Variants in MPRIP observed in about 807,000 individuals in gnomAD.
The protein encoded by MPRIP is myosin phosphatase Rho interacting protein, also known as myosin phosphatase Rho-interacting protein.
A neutral mutation model predicts 234.9 loss-of-function variants in MPRIP; 59 were observed. The observed-to-expected ratio is 0.25, with a 90% CI of 0.20 to 0.31. The LOEUF (loss-of-function observed/expected upper bound fraction) is 0.31. Among genes scored for constraint, MPRIP ranks in the 10% least tolerant of loss-of-function variants. MPRIP has a pLI of 1.00. For synonymous variants in MPRIP, 1,144 were observed against 1,263.9 expected (o/e 0.91, Z 2.01); for missense variants, 2,436 against 3,071.0 (o/e 0.79, Z 4.89).
chr17:17,057,782 C>T (rs2088750010), intron 1 of MPRIP: 1 of 705,588 alleles, frequency 1.4e-6, no homozygotes, highest in Non-Finnish European at 2.6e-6. Context: ...CCCGAGGTGG[C>T]CCCTGAAGCA....
intron 13 of MPRIP, among the ~76,000 whole-genome samples, chr17:17,155,792 C>G (rs563759204): frequency 6.6e-6 from 1 of 152,368 alleles, no homozygotes; most frequent in East Asian, 1.9e-4. Flanking sequence ...GACAAGTCCT[C>G]TTTGTGCACA....
chr17:17,053,644 C>T (rs774708494), intron 1 of MPRIP, among the ~76,000 whole-genome samples: 22 of 152,226 alleles, frequency 1.4e-4, no homozygotes, highest in Non-Finnish European at 2.8e-4. Context: ...CCCCATCCCT[C>T]TTAGGTTACT....
At chr17:17,109,214 C>T (rs914041107) in intron 3 of MPRIP, among the ~76,000 whole-genome samples, 6 of 152,164 alleles carry the variant, frequency 3.9e-5, no homozygotes, top group African/African-American at 7.2e-5. Flanking sequence ...TATGGGGCAC[C>T]GTTGCAGGTT....
rs1056325081 is a variant in MPRIP at position 17,185,778 on chromosome 17, A to G, written c.*884A>G. 12 of 343,838 alleles carry G rather than the reference A, an allele frequency of 3.5e-5. No homozygotes were observed. The highest frequency in any genetic ancestry group is 8.3e-5 in the Admixed American group (2 of 24,224). 21.3% of individuals were successfully genotyped at this position (343,838 alleles called of 1,614,324 possible). A position where few individuals can be genotyped will look rare whatever the true frequency, so the allele number is the denominator to read the frequency against. On this transcript the variant is annotated 3_prime_UTR_variant, in exon 24 of 24. Transcript: ENST00000651222. ...TTTTTTTTTACCTTTTGGAAAAGAAACCGTCACATTGCTTTGGAAAAGGTT... is the reference window on the plus strand; with the variant it reads ...TTTTTTTTTACCTTTTGGAAAAGAAGCCGTCACATTGCTTTGGAAAAGGTT...
chr17:17,158,395 G>A (rs769269205), intron 13 of MPRIP, 37 bp from the exon 14 acceptor site: 19 of 1,511,770 alleles, frequency 1.3e-5, no homozygotes, highest in East Asian at 6.8e-5. Context: ...CACCAGAGCC[G>A]CCCCTGACAG....
At chr17:17,056,283 C>T (rs1197599075) in intron 1 of MPRIP, among the ~76,000 whole-genome samples, 2 of 152,350 alleles carry the variant, frequency 1.3e-5, no homozygotes, top group East Asian at 1.9e-4. Context: ...CCTGCGAAGA[C>T]GTTGCCCCAG....
intron 1 of MPRIP, among the ~76,000 whole-genome samples, chr17:17,047,207 A>T (rs944497114): frequency 1.6e-4 from 24 of 152,170 alleles, no homozygotes; most frequent in Non-Finnish European, 2.8e-4. Context: ...TAATAAATTT[A>T]AAAAACTTTA....
At chr17:17,125,747 A>C (rs2090479013) in intron 3 of MPRIP, among the ~76,000 whole-genome samples, 9 of 152,194 alleles carry the variant, frequency 5.9e-5, no homozygotes, top group Admixed American at 5.9e-4. Context: ...AGGCAGCCCA[A>C]CTGCAGGCCA....
chr17:17,170,087 T>C (rs2046097644), intron 16 of MPRIP: 2 of 151,298 alleles, frequency 1.3e-5, no homozygotes. Flanking sequence ...CTAGTTGTGC[T>C]CGTTTTAGCA....
intron 1 of MPRIP, among the ~76,000 whole-genome samples, chr17:17,054,451 A>G (rs7220492): frequency 0.045 from 6,814 of 152,294 alleles, 477 homozygotes; most frequent in African/African-American, 0.14. Flanking sequence ...TGTCACCGGT[A>G]GCTGGAGCCT....
At chr17:17,147,491 T>C in intron 11 of MPRIP, 104 bp downstream of exon 11, 1 of 1,103,986 alleles carries the variant, frequency 9.1e-7, no homozygotes, top group Non-Finnish European at 1.4e-6. Context: ...TCCCCACTTC[T>C]GAGGACAGCG....
intron 3 of MPRIP, among the ~76,000 whole-genome samples, chr17:17,103,908 A>ATGG (rs1319528497): frequency 3.3e-5 from 5 of 152,130 alleles, no homozygotes; most frequent in Non-Finnish European, 5.9e-5. Context: ...TTTAGCAGTG[A>ATGG]GATATCTCCT....
Position 17,177,237 on chromosome 17 carries a change from T to C in MPRIP, c.6958-13T>C, listed in dbSNP as rs749677964. The C allele has an allele frequency of 6.2e-7, 1 of 1,608,950 alleles. No individual in the cohort carries two copies. The highest frequency in any genetic ancestry group is 1.1e-5 in the South Asian group (1 of 90,858). On this transcript the variant is annotated splice_polypyrimidine_tract_variant and intron_variant, in intron 21 of 23. Coordinates refer to ENST00000651222, the MANE Select transcript of MPRIP (RefSeq NM_001364716.4). ...TGGATGTAACTACCATTCTCTGTCA[T>C]TTCACTCCCAAGGACAAGAAGTACG...
chr17:17,066,752 T>C (rs2089042131), intron 1 of MPRIP, among the ~76,000 whole-genome samples: 1 of 91,738 alleles, frequency 1.1e-5, no homozygotes, highest in Non-Finnish European at 1.9e-5. Flanking sequence ...TTTTTTTTTT[T>C]TTTTTTTTTT....
chr17:17,046,582 C>A (rs1397583750), intron 1 of MPRIP, among the ~76,000 whole-genome samples: 1 of 152,108 alleles, frequency 6.6e-6, no homozygotes, highest in Admixed American at 6.5e-5. Flanking sequence ...TGAAGTTGAG[C>A]CTTTTTTATA....
In MPRIP at chr17:17,167,829, A is replaced by G; in HGVS notation, c.6238A>G (p.Met2080Val). The G allele has an allele frequency of 1.5e-6, 2 of 1,304,304 alleles. No individual in the cohort carries two copies. Among genetic ancestry groups the G allele is most frequent in the South Asian group, 1.2e-5 (1 of 81,036 alleles). 80.8% of individuals were successfully genotyped at this position (1,304,304 alleles called of 1,614,324 possible). A position where few individuals can be genotyped will look rare whatever the true frequency, so the allele number is the denominator to read the frequency against. The change falls in exon 16 of 24, where the codon ATG becomes GTG. Residue 2080 changes from methionine to valine, a missense_variant. Around this residue, in one of 4 missense-constraint regions of MPRIP, gnomAD observed 1,998 missense variants for 2,520.3 expected, o/e 0.79. Coordinates refer to ENST00000651222, the MANE Select transcript of MPRIP (RefSeq NM_001364716.4). This position sits in a 1 kb window ranked among gnomAD's most constrained non-coding sequence, Gnocchi z 5.9. ...GGAGCTGGAGGCCCAGATGGATGTC[A>G]TGCGGGAGGAGCTGGGACACAAGGA... ...IQELEAQMDV[M>V]REELGHKDLE...
intron 3 of MPRIP, among the ~76,000 whole-genome samples, chr17:17,081,521 C>A (rs1430480418): frequency 6.6e-6 from 1 of 152,228 alleles, no homozygotes; most frequent in Non-Finnish European, 1.5e-5. Context: ...GAAAACCTCC[C>A]AAGAGCTCCA....
intron 19 of MPRIP, 131 bp downstream of exon 19, chr17:17,174,206 CA>C: frequency 9.5e-6 from 11 of 1,158,804 alleles, no homozygotes; most frequent in Non-Finnish European, 1.3e-5. Flanking sequence ...GTCCCTGAAC[CA>C]CAGAGTGGTT....
intron 1 of MPRIP, among the ~76,000 whole-genome samples, chr17:17,045,356 A>T (rs540409358): frequency 6.6e-6 from 1 of 152,242 alleles, no homozygotes; most frequent in Non-Finnish European, 1.5e-5. Context: ...TTTTTCCCCT[A>T]GAGAGGCACA....
Sources: gnomAD v4.1 joint callset for allele counts (sites outside exome capture counted in the v4.1 genomes callset) on GRCh38, gnomAD v4.1.1 for gene constraint, gnomAD v4.1.1 regional missense constraint, Gnocchi (gnomAD v3.1) non-coding constraint, MANE v1.5 for transcripts, NCBI Gene and HGNC (gene_info 2026-07-23, HGNC 2026-07-21) for gene names.